The following HEMK1 variants were observed in gnomAD, a reference collection of about 807,000 sequenced individuals.
HEMK1 encodes HemK methyltransferase 1, mitochondrial release factors N(5)-glutamine.
A neutral mutation model predicts 47.9 loss-of-function variants in HEMK1; 36 were observed. The ratio of observed to expected loss-of-function variants is 0.75; its 90% CI spans 0.58 to 0.99. The LOEUF is 0.99. Among genes scored for constraint, HEMK1 ranks in the 50% least tolerant of loss-of-function variants. The probability of loss-of-function intolerance (pLI) is 0.00; values close to 1 mark genes in which losing one functional copy is unlikely to be tolerated. For missense variants in HEMK1, 383 were observed against 434.5 expected, an observed-to-expected ratio of 0.88 and a Z score of 1.05; for synonymous variants, 153 against 165.4, an observed-to-expected ratio of 0.93 and a Z score of 0.57.
chr3:50,587,998 AC>A lies in HEMK1; in HGVS notation c.*7584del, dbSNP rs1285487158. Reference sequence around the variant, plus strand: ...ATTGGGACCTGGGGGAAATGGGGCCACCCTGAGTTGGAGACTGGGGTGCTGG... The same window carrying A: ...ATTGGGACCTGGGGGAAATGGGGCCACCTGAGTTGGAGACTGGGGTGCTGG... On this transcript the variant is annotated 3_prime_UTR_variant, in exon 11 of 11. Coordinates refer to ENST00000232854, the MANE Select transcript of HEMK1 (RefSeq NM_016173.5). The surrounding 1 kb of genome is among the most constrained non-coding windows in gnomAD (Gnocchi z 4.2). 6.6e-6 allele frequency: 1 copy of A among 152,254 alleles called. No individual in the cohort carries two copies. Among genetic ancestry groups the A allele is most frequent in the Non-Finnish European group, 1.5e-5 (1 of 68,136 alleles). 9.4% of individuals were successfully genotyped at this position (152,254 alleles called of 1,614,324 possible).
intron 4 of HEMK1, among the ~76,000 whole-genome samples, chr3:50,574,269 G>C (rs369627953): frequency 6.6e-6 from 1 of 152,222 alleles, no homozygotes; most frequent in African/African-American, 2.4e-5. Flanking sequence ...AGCCACCAGC[G>C]TTAGGCTGAG....
chr3:50,573,021 C>G (rs1575905355), intron 4 of HEMK1, among the ~76,000 whole-genome samples: 1 of 152,192 alleles, frequency 6.6e-6, no homozygotes, highest in African/African-American at 2.4e-5. Context: ...GTTCCCATTC[C>G]CCTGCTGTGG....
At chr3:50,572,349 G>C (rs1316798344) in intron 4 of HEMK1, 141 bp downstream of exon 4, 4 of 835,324 alleles carry the variant, frequency 4.8e-6, no homozygotes, top group Non-Finnish European at 7.5e-6. Flanking sequence ...TTTCCTCTCT[G>C]ACTGTGTTGG....
At position 50,584,625 on chromosome 3, in the gene HEMK1, C is replaced by G. The variant is rs1331734433; in HGVS notation, c.*4208C>G. 2 of 152,196 alleles carry G rather than the reference C, an allele frequency of 1.3e-5. No homozygotes were observed. Among genetic ancestry groups the G allele is most frequent in the African/African-American group, 4.8e-5 (2 of 41,446 alleles). 9.4% of individuals were successfully genotyped at this position (152,196 alleles called of 1,614,324 possible). On this transcript the variant is annotated 3_prime_UTR_variant, in exon 11 of 11. Coordinates refer to ENST00000232854, the MANE Select transcript of HEMK1 (RefSeq NM_016173.5). ...CCATGAGCCGAGGAATGCAGACAGC[C>G]TCTTCTCCTCTGGGGCCTCAAGAAG...
chr3:50,580,085 T>C (rs2030554450), intron 9 of HEMK1, 31 bp from the exon 10 acceptor site: 2 of 1,595,618 alleles, frequency 1.3e-6, no homozygotes, highest in Non-Finnish European at 1.7e-6. Flanking sequence ...AGACCTGTCC[T>C]GCTGAGCCCA....
chr3:50,577,012 C>T (rs556219620), intron 4 of HEMK1, 40 bp from the exon 5 acceptor site: 16 of 1,611,650 alleles, frequency 9.9e-6, no homozygotes, highest in East Asian at 2.2e-5. Flanking sequence ...CCAGGAGCCA[C>T]GTTGGCACCG....
chr3:50,580,033 C>T (rs559625509), intron 9 of HEMK1, 83 bp from the exon 10 acceptor site: 1 of 1,520,082 alleles, frequency 6.6e-7, no homozygotes, highest in East Asian at 2.3e-5. Flanking sequence ...CAGCACAGGA[C>T]CCTCACCTCG....
chr3:50,576,290 G>A (rs1387289892), intron 4 of HEMK1, among the ~76,000 whole-genome samples: 1 of 152,230 alleles, frequency 6.6e-6, no homozygotes, highest in East Asian at 1.9e-4. Context: ...CTTGACCCCA[G>A]GCCTCAGTTT....
At position 50,589,675 on chromosome 3, in the gene HEMK1, T is replaced by A. The variant is rs1171297531; in HGVS notation, c.*9258T>A. On this transcript the variant is annotated 3_prime_UTR_variant, in exon 11 of 11. Transcript: ENST00000232854. The stretch of plus-strand genomic sequence containing the variant: ...ACTCTGGGAGGCTGAGGCAGGCAGA[T>A]CACCTGAGGTCAGGAGTTCGAGGCC... 3.3e-5 allele frequency: 5 copies of A among 151,462 alleles called. No individual in the cohort carries two copies. The highest frequency in any genetic ancestry group is 3.3e-4 in the Admixed American group (5 of 15,222). The allele number at this position is 151,462 out of a possible 1,614,324, so 9.4% of individuals were successfully genotyped here.
In HEMK1 at chr3:50,582,581, T is replaced by C. The variant is rs1031713190; in HGVS notation, c.*2164T>C. 1 of 152,244 alleles carries C rather than the reference T, an allele frequency of 6.6e-6. No individual in the cohort carries two copies. The highest frequency in any genetic ancestry group is 2.4e-5 in the African/African-American group (1 of 41,454). 9.4% of individuals were successfully genotyped at this position (152,244 alleles called of 1,614,324 possible). On this transcript the variant is annotated 3_prime_UTR_variant, in exon 11 of 11. Coordinates refer to ENST00000232854, the MANE Select transcript of HEMK1 (RefSeq NM_016173.5). ...TTATAGGATGCATGTGAGGAGCCCA[T>C]GGGATGTGCCTGGCTTGGCACATTG... is the stretch of plus-strand genomic sequence containing the variant.
rs994981518 is a variant in HEMK1 at position 50,577,067 on chromosome 3, G to T, written c.430G>T (p.Val144Leu). Reference sequence around the variant, plus strand: ...TGCTTCACAGGAACTGGTTGAGTGGGTGCTGGAAGAGGTGGCCCAGAGGTC... The same window carrying T: ...TGCTTCACAGGAACTGGTTGAGTGGTTGCTGGAAGAGGTGGCCCAGAGGTC... ...RPETEELVEW[V>L]LEEVAQRSHA... The change falls in exon 5 of 11, where the codon GTG becomes TTG. Residue 144 changes from valine to leucine, a missense_variant. Val to Leu is a conservative substitution (Grantham distance 32). Transcript: ENST00000232854. The T allele has an allele frequency of 6.2e-7, 1 of 1,613,974 alleles. No individual in the cohort carries two copies. The highest frequency in any genetic ancestry group is 8.5e-7 in the Non-Finnish European group (1 of 1,179,952).
At position 50,580,563 on chromosome 3, in the gene HEMK1, C is replaced by A. The variant is rs2030667052; in HGVS notation, c.*146C>A. The A allele has an allele frequency of 4.9e-6, 4 of 823,232 alleles. No individual in the cohort carries two copies. The highest frequency in any genetic ancestry group is 4.9e-5 in the Admixed American group (2 of 40,940). The allele number at this position is 823,232 out of a possible 1,614,324, so 51.0% of individuals were successfully genotyped here. A position where few individuals can be genotyped will look rare whatever the true frequency, so the allele number is the denominator to read the frequency against. ...CTGCATTTCTAGGATATTTCTAGGA[C>A]ACCTGGATTGGCTCCATCACATCAG... On this transcript the variant is annotated 3_prime_UTR_variant, in exon 11 of 11. Transcript: ENST00000232854.
rs941017537 is a variant in HEMK1, at chr3:50,585,704, C to T, written c.*5287C>T. The T allele has an allele frequency of 3.3e-5, 5 of 152,178 alleles. 1 individual carries two copies. Among genetic ancestry groups the T allele is most frequent in the Admixed American group, 3.3e-4 (5 of 15,276 alleles). The allele number at this position is 152,178 out of a possible 1,614,324, so 9.4% of individuals were successfully genotyped here. On this transcript the variant is annotated 3_prime_UTR_variant, in exon 11 of 11. Transcript: ENST00000232854. ...ACCTGGGTTCAAGGGTCAGCTTGGC[C>T]CCAAATCACCTGGATACGCTTTGGA...
chr3:50,580,387 G>A lies in HEMK1; in HGVS notation c.987G>A (p.Arg329=), dbSNP rs141954863. 429 of 1,613,986 alleles carry A rather than the reference G, an allele frequency of 2.7e-4. 1 individual carries two copies. The highest frequency in any genetic ancestry group is 1.7e-4 in the Admixed American group (10 of 59,986). Residue 329 remains arginine, a synonymous_variant, in exon 11 of 11, where the codon CGG becomes CGA. Transcript: ENST00000232854. The part of the protein sequence containing the change: ...AVRRDFCGRP[R]FLHIRRSGP Reference sequence around the variant, plus strand: ...CCTGTCCCTGTCTCCTCAGGCCCCGGTTCCTGCATATCCGGAGGTCTGGGC... The same window carrying A: ...CCTGTCCCTGTCTCCTCAGGCCCCGATTCCTGCATATCCGGAGGTCTGGGC...
Position 50,577,090 on chromosome 3 carries a change from G to T in HEMK1, c.453G>T (p.Arg151Ser). ...VEWVLEEVAQ[R>S]SHAVGSPGSP... is the part of the protein sequence containing the mutation. ...GGGTGCTGGAAGAGGTGGCCCAGAG[G>T]TCCCATGCTGTGGGATCCCCAGGCA... Residue 151 changes from arginine (R) to serine (S), a missense_variant, in exon 5 of 11, where the codon AGG (arginine) becomes AGT (serine). Transcript: ENST00000232854. The T allele has an allele frequency of 1.9e-6, 3 of 1,614,060 alleles. No homozygotes were observed. The highest frequency in any genetic ancestry group is 2.5e-6 in the Non-Finnish European group (3 of 1,179,988).
Position 50,571,788 on chromosome 3 carries a change from C to T in HEMK1, c.307C>T (p.Arg103Cys), listed in dbSNP as rs754675741. 5.4e-5 allele frequency: 87 copies of T among 1,613,926 alleles called. No individual in the cohort carries two copies. In the Middle Eastern group the frequency reaches 1.5e-3, roughly 27 times the overall value. ...QLQCIRELSSRRLQRMPVQYI... is the reference protein window; with the variant it reads ...QLQCIRELSSCRLQRMPVQYI... ...ACAGTGTATCCGGGAGCTGAGTAGC[C>T]GTCGATTGCAGAGGTGAGCACCCAT... Residue 103 changes from arginine to cysteine, a missense_variant, in exon 3 of 11, where the codon CGT becomes TGT. Arg to Cys is a radical substitution (Grantham distance 180). Transcript: ENST00000232854.
Position 50,571,783 on chromosome 3 carries a change from G to A in HEMK1, c.302G>A (p.Ser101Asn). 3.1e-6 allele frequency: 5 copies of A among 1,614,170 alleles called. No individual in the cohort carries two copies. Among genetic ancestry groups the A allele is most frequent in the Non-Finnish European group, 4.2e-6 (5 of 1,180,024 alleles). ...CAACTACAGTGTATCCGGGAGCTGA[G>A]TAGCCGTCGATTGCAGAGGTGAGCA... Reference protein sequence around the residue: ...SQQLQCIRELSSRRLQRMPVQ... With the variant: ...SQQLQCIRELNSRRLQRMPVQ... The change falls in exon 3 of 11, where the codon AGT (serine) becomes AAT (asparagine). Residue 101 changes from serine to asparagine, a missense_variant. Coordinates refer to ENST00000232854, the MANE Select transcript of HEMK1 (RefSeq NM_016173.5).
Position 50,580,185 on chromosome 3 carries a change from C to T in HEMK1, c.936C>T (p.Asp312=). ...GCAGCTGGCTTCAGAGCCGGCCTGA[C>T]CTGTACCTTAATCTTGTGGCTGTGC... ...LVSSWLQSRP[D]LYLNLVAVRR... is the part of the protein sequence containing the mutation. Residue 312 remains aspartate (D), a synonymous_variant, in exon 10 of 11, where the codon GAC becomes GAT. Transcript: ENST00000232854. 7 of 1,614,142 alleles carry T rather than the reference C, an allele frequency of 4.3e-6. No individual in the cohort carries two copies. The highest frequency in any genetic ancestry group is 5.9e-6 in the Non-Finnish European group (7 of 1,180,024).
rs1553623244 is a variant in HEMK1, at chr3:50,591,663, C to CATGTGTGTGTGTGTGTGT, written c.*11246_*11247insATGTGTGTGTGTGTGTGT. ...ACCAAGCCAGGGTTGCATGCATGCA[C>CATGTGTGTGTGTGTGTGT]GTGTGTGTGTGTGTGTGTGTGTGTG... On this transcript the variant is annotated 3_prime_UTR_variant, in exon 11 of 11. Coordinates refer to ENST00000232854, the MANE Select transcript of HEMK1 (RefSeq NM_016173.5). 7.8e-6 allele frequency: 1 copy of CATGTGTGTGTGTGTGTGT among 127,404 alleles called. No individual in the cohort carries two copies. Among genetic ancestry groups the CATGTGTGTGTGTGTGTGT allele is most frequent in the African/African-American group, 3.0e-5 (1 of 33,892 alleles). The allele number at this position is 127,404 out of a possible 1,614,324, so 7.9% of individuals were successfully genotyped here. A position where few individuals can be genotyped will look rare whatever the true frequency, so the allele number is the denominator to read the frequency against.
Sources: gnomAD v4.1 joint callset for allele counts (sites outside exome capture counted in the v4.1 genomes callset) on GRCh38, gnomAD v4.1.1 for gene constraint, Gnocchi (gnomAD v3.1) non-coding constraint, MANE v1.5 for transcripts, NCBI Gene and HGNC (gene_info 2026-07-23, HGNC 2026-07-21) for gene names.